CCSER1: variants seen among roughly 807,000 people sequenced by gnomAD.
CCSER1 encodes the protein coiled-coil serine rich protein 1.
A neutral mutation model predicts 82.0 loss-of-function variants in CCSER1; 41 were observed. The ratio of observed to expected loss-of-function variants is 0.50; its 90% CI spans 0.39 to 0.65. CCSER1 has a LOEUF of 0.65. Ranked by LOEUF, CCSER1 falls within the 30% of genes least tolerant of loss-of-function variation. CCSER1 has a pLI of 0.00. For missense variants in CCSER1, 1,119 were observed against 1,064.2 expected, an observed-to-expected ratio of 1.05 and a Z score of -0.72; for synonymous variants, 414 against 383.9, an observed-to-expected ratio of 1.08 and a Z score of -0.92.
intron 1 of CCSER1, among the ~76,000 whole-genome samples, chr4:90,241,606 C>T (rs1433666441): frequency 6.6e-6 from 1 of 151,892 alleles, no homozygotes; most frequent in East Asian, 1.9e-4. Flanking sequence ...ACTGTTATTC[C>T]TTTGACAATT....
intron 10 of CCSER1, among the ~76,000 whole-genome samples, chr4:91,182,604 A>G (rs1462375067): frequency 6.6e-6 from 1 of 152,210 alleles, no homozygotes; most frequent in Non-Finnish European, 1.5e-5. Flanking sequence ...TGTGTTTAAT[A>G]TTCCACATAG....
intron 5 of CCSER1, among the ~76,000 whole-genome samples, chr4:90,617,377 T>C (rs1721482698): frequency 6.6e-6 from 1 of 152,182 alleles, no homozygotes; most frequent in Non-Finnish European, 1.5e-5. Context: ...TCAAAGACAA[T>C]TCAATGTTGA....
intron 7 of CCSER1, among the ~76,000 whole-genome samples, chr4:90,760,233 A>G (rs1318146268): frequency 6.6e-6 from 1 of 151,990 alleles, no homozygotes; most frequent in Admixed American, 6.6e-5. Flanking sequence ...AATACTGTCA[A>G]GTTCTGTTCA....
At chr4:90,445,685 A>G (rs1760550350) in intron 4 of CCSER1, among the ~76,000 whole-genome samples, 1 of 152,098 alleles carries the variant, frequency 6.6e-6, no homozygotes, top group Admixed American at 6.6e-5. Context: ...GAGGCCTAGA[A>G]GAAGTTAAGA....
intron 5 of CCSER1, among the ~76,000 whole-genome samples, chr4:90,571,359 G>T (rs115922049): frequency 2.0e-5 from 3 of 152,134 alleles, no homozygotes; most frequent in Non-Finnish European, 4.4e-5. Flanking sequence ...ATTTGATAAA[G>T]AACATGTGGC....
intron 10 of CCSER1, among the ~76,000 whole-genome samples, chr4:91,552,466 G>A (rs1762202349): frequency 6.6e-6 from 1 of 151,620 alleles, no homozygotes; most frequent in Non-Finnish European, 1.5e-5. Flanking sequence ...TCATTATACA[G>A]AGTCATAATT....
chr4:91,217,071 G>A (rs190924697), intron 10 of CCSER1, among the ~76,000 whole-genome samples: 41 of 152,212 alleles, frequency 2.7e-4, no homozygotes, highest in African/African-American at 8.4e-4. Context: ...AGATGTGTTC[G>A]TAGTTTCTTC....
intron 10 of CCSER1, among the ~76,000 whole-genome samples, chr4:91,438,218 C>T (rs1306227406): frequency 2.0e-5 from 3 of 152,224 alleles, no homozygotes; most frequent in East Asian, 1.9e-4. Context: ...AGCAGCCTAA[C>T]TGGGAGGCAC....
chr4:90,511,842 G>T (rs570121309), intron 5 of CCSER1, among the ~76,000 whole-genome samples: 2 of 152,210 alleles, frequency 1.3e-5, no homozygotes, highest in African/African-American at 2.4e-5. Context: ...CTTTAGAGGG[G>T]ATGGCTTAAC....
rs770719680 is a variant in CCSER1, at chr4:90,308,395, T to G, written c.111T>G (p.Asn37Lys). ...DSLPSSPSSS[N>K]TVGVHSSSPS... ...TTCCTTCTTCACCTTCTTCCAGTAA[T>G]ACAGTTGGTGTCCACAGTTCCTCTC... The change falls in exon 2 of 11, where the codon AAT (asparagine) becomes AAG (lysine). Residue 37 changes from asparagine to lysine, a missense_variant. Coordinates refer to ENST00000509176, the MANE Select transcript of CCSER1 (RefSeq NM_001145065.2). The G allele has an allele frequency of 6.2e-6, 10 of 1,613,784 alleles. No individual in the cohort carries two copies. Among genetic ancestry groups the G allele is most frequent in the Non-Finnish European group, 8.5e-6 (10 of 1,179,838 alleles).
intron 5 of CCSER1, among the ~76,000 whole-genome samples, chr4:90,530,513 C>T (rs1774373084): frequency 6.6e-6 from 1 of 152,086 alleles, no homozygotes; most frequent in South Asian, 2.1e-4. Flanking sequence ...GTGCAAGGGA[C>T]TTTGGGGCTG....
chr4:90,348,053 G>T (rs1471638178), intron 3 of CCSER1, among the ~76,000 whole-genome samples: 1 of 152,084 alleles, frequency 6.6e-6, no homozygotes, highest in East Asian at 1.9e-4. Context: ...CTTATAAATG[G>T]GAGCTAAATG....
Position 90,869,397 on chromosome 4 carries a change from C to G in CCSER1, c.2094+53552C>G, listed in dbSNP as rs1407702565. On this transcript the variant is annotated intron_variant, in intron 8 of 10. Transcript: ENST00000509176. The stretch of plus-strand genomic sequence containing the variant: ...TTTGCATATGGGTAGCAATAGGGGT[C>G]TAGTTTTAGTTTTCTGCATAGAGAT... Among the ~76,000 whole-genome samples the G allele has an allele frequency of 4.6e-5, 7 of 152,026 alleles. No homozygotes were observed. The East Asian group carries it at 7.8e-4, about 17-fold the overall frequency.
intron 9 of CCSER1, among the ~76,000 whole-genome samples, chr4:90,938,376 T>G (rs1234200704): frequency 6.6e-6 from 1 of 152,074 alleles, no homozygotes; most frequent in Non-Finnish European, 1.5e-5. Flanking sequence ...TTAGAACTTG[T>G]TTTTGTACTC....
intron 9 of CCSER1, among the ~76,000 whole-genome samples, chr4:91,000,764 G>A (rs888854415): frequency 6.6e-6 from 1 of 152,114 alleles, no homozygotes; most frequent in Non-Finnish European, 1.5e-5. Context: ...ACTGATTTGA[G>A]TACATTGATT....
chr4:90,958,586 T>C (rs1025019149), intron 9 of CCSER1, among the ~76,000 whole-genome samples: 3 of 152,122 alleles, frequency 2.0e-5, no homozygotes, highest in African/African-American at 7.2e-5. Context: ...TGCAGCCCAC[T>C]TGCTAACCTT....
chr4:90,300,412 T>G (rs1732873752), intron 1 of CCSER1, among the ~76,000 whole-genome samples: 4 of 152,168 alleles, frequency 2.6e-5, no homozygotes, highest in Non-Finnish European at 5.9e-5. Context: ...GTCTTTGTGA[T>G]GTAGTATCTT....
At chr4:90,408,195 C>A (rs776841410) in intron 4 of CCSER1, among the ~76,000 whole-genome samples, 1 of 152,196 alleles carries the variant, frequency 6.6e-6, no homozygotes, top group Non-Finnish European at 1.5e-5. Flanking sequence ...TCTGTAGGCT[C>A]CACCTATGGG....
chr4:91,058,998 A>G (rs9995159), intron 9 of CCSER1, among the ~76,000 whole-genome samples: 6,585 of 152,108 alleles, frequency 0.043, 176 homozygotes, highest in Middle Eastern at 0.061. Context: ...AAAGCACAAG[A>G]TACCAAATCT....
Sources: allele counts gnomAD v4.1 joint callset (sites outside exome capture counted in the v4.1 genomes callset), GRCh38; gene constraint gnomAD v4.1.1; transcripts MANE v1.5; gene names NCBI Gene and HGNC (gene_info 2026-07-23, HGNC 2026-07-21).